ASXL1: variants seen among roughly 807,000 people sequenced by gnomAD.
The protein encoded by ASXL1 is polycomb group protein ASXL1.
In ASXL1, 65 loss-of-function variants were observed where a neutral mutation model predicts 89.1. The ratio of observed to expected loss-of-function variants is 0.73; its 90% CI spans 0.60 to 0.90. The LOEUF is 0.90. ASXL1 is among the 40% of genes least tolerant of loss of function. The probability of loss-of-function intolerance (pLI) is 0.00; values close to 1 mark genes in which losing one functional copy is unlikely to be tolerated. For synonymous variants in ASXL1, 739 were observed against 746.9 expected, an observed-to-expected ratio of 0.99 and a Z score of 0.17; for missense variants, 1,786 against 1,942.9, an observed-to-expected ratio of 0.92 and a Z score of 1.52.
intron 4 of ASXL1, among the ~76,000 whole-genome samples, chr20:32,378,823 C>T (rs2048432947): frequency 6.6e-6 from 1 of 151,678 alleles, no homozygotes; most frequent in East Asian, 1.9e-4. Flanking sequence ...AAAAAAACAC[C>T]CTCAACTAAA....
rs376574539 is a variant in ASXL1 at position 32,373,302 on chromosome 20, G to A, written c.252+4179G>A. On this transcript the variant is annotated intron_variant, in intron 4 of 12. Coordinates refer to ENST00000375687, the MANE Select transcript of ASXL1 (RefSeq NM_015338.6). ...TGAGGCAGGAGAATCACTTTAACCCGGGAGATGGAGGTTGCAGTGAGCTGA... is the reference window on the plus strand; with the variant it reads ...TGAGGCAGGAGAATCACTTTAACCCAGGAGATGGAGGTTGCAGTGAGCTGA... Among the ~76,000 whole-genome samples the A allele has an allele frequency of 5.9e-5, 9 of 151,934 alleles. No individual in the cohort carries two copies. The East Asian group carries it at 7.9e-4, about 13-fold the overall frequency.
intron 1 of ASXL1, chr20:32,359,485 T>TAG: frequency 1.5e-6 from 1 of 667,176 alleles, no homozygotes; most frequent in Non-Finnish European, 2.7e-6. Flanking sequence ...GGGTCTGGGA[T>TAG]AGAGCCTGGG....
In ASXL1 at chr20:32,430,088, A is replaced by G. The variant is rs1569319086; in HGVS notation, c.718+35A>G. On this transcript the variant is annotated intron_variant, in intron 8 of 12. Coordinates refer to ENST00000375687, the MANE Select transcript of ASXL1 (RefSeq NM_015338.6). ...GTGGCACTTATTTCTCTGCCTGTAA[A>G]GGGGGCCCCTGCAGGCCTAGTGAGA... 4 of 1,596,792 alleles carry G rather than the reference A, an allele frequency of 2.5e-6. No individual in the cohort carries two copies. The Admixed American group carries it at 6.8e-5, about 27-fold the overall frequency.
intron 4 of ASXL1, among the ~76,000 whole-genome samples, chr20:32,424,136 A>C (rs1430376939): frequency 6.6e-6 from 1 of 152,156 alleles, no homozygotes; most frequent in Non-Finnish European, 1.5e-5. Context: ...AGCATTTAAC[A>C]CCTAATTTTT....
chr20:32,364,493 C>CA (rs1165612954), intron 1 of ASXL1, among the ~76,000 whole-genome samples: 3 of 152,204 alleles, frequency 2.0e-5, no homozygotes, highest in African/African-American at 7.2e-5. Flanking sequence ...GCTGGGATTA[C>CA]AGGTGTGACC....
At position 32,359,010 on chromosome 20, in the gene ASXL1, T is replaced by A. The variant is rs369551013; in HGVS notation, c.57+178T>A. 1.4e-4 allele frequency: 92 copies of A among 681,406 alleles called. No homozygotes were observed. In the East Asian group the frequency reaches 1.9e-3, roughly 14 times the overall value. The allele number at this position is 681,406 out of a possible 1,614,324, so 42.2% of individuals were successfully genotyped here. ...AGGGGTGGGGAGCGCTCCGCCGGGA[T>A]GGGATGTGGCGCCTTTTTCCGCTCG... On this transcript the variant is annotated intron_variant, in intron 1 of 12. Transcript: ENST00000375687.
Position 32,429,739 on chromosome 20 carries a change from C to T in ASXL1, c.566-162C>T. The stretch of plus-strand genomic sequence containing the variant: ...GCACCTGTAAGGTGATATTTTAAAG[C>T]CAGACCATGAAGTGGTGGTTTCTCT... On this transcript the variant is annotated intron_variant, in intron 7 of 12. Transcript: ENST00000375687. This position sits in a 1 kb window ranked among gnomAD's most constrained non-coding sequence, Gnocchi z 4.9. The T allele has an allele frequency of 1.9e-6, 2 of 1,025,644 alleles. No homozygotes were observed. The highest frequency in any genetic ancestry group is 4.9e-5 in the East Asian group (2 of 41,076). The allele number at this position is 1,025,644 out of a possible 1,614,324, so 63.5% of individuals were successfully genotyped here. A position where few individuals can be genotyped will look rare whatever the true frequency, so the allele number is the denominator to read the frequency against.
intron 3 of ASXL1, among the ~76,000 whole-genome samples, chr20:32,367,934 A>G (rs1044818372): frequency 1.3e-5 from 2 of 152,176 alleles, no homozygotes; most frequent in African/African-American, 4.8e-5. Flanking sequence ...TAGCACACCC[A>G]CTTGATACTC....
chr20:32,435,814 A>G lies in ASXL1; in HGVS notation c.3102A>G (p.Lys1034=). Residue 1034 remains lysine, a synonymous_variant, in exon 13 of 13, where the codon AAA becomes AAG. Transcript: ENST00000375687. ...TKGSSVDKDE[K]PNWNQSAPLS... ...GATCTTCGGTGGACAAGGATGAGAA[A>G]CCCAATTGGAACCAATCTGCCCCAC... 1.2e-6 allele frequency: 2 copies of G among 1,614,150 alleles called. No homozygotes were observed. The highest frequency in any genetic ancestry group is 1.1e-5 in the South Asian group (1 of 91,078).
chr20:32,379,919 T>C (rs2048458055), intron 4 of ASXL1, among the ~76,000 whole-genome samples: 1 of 152,270 alleles, frequency 6.6e-6, no homozygotes, highest in Non-Finnish European at 1.5e-5. Flanking sequence ...CAGGGTCTTT[T>C]TTCAGTTAAG....
Position 32,431,630 on chromosome 20 carries a change from C to T in ASXL1, c.930C>T (p.Asn310=), listed in dbSNP as rs141414870. The T allele has an allele frequency of 7.5e-5, 121 of 1,614,030 alleles. No individual in the cohort carries two copies. The highest frequency in any genetic ancestry group is 2.8e-4 in the African/African-American group (21 of 75,018). The change falls in exon 10 of 13, where the codon AAC becomes AAT. Residue 310 remains asparagine (N), a synonymous_variant. Transcript: ENST00000375687. The part of the protein sequence containing the change: ...LLRLSSSALN[N]EFFTHAAQSW... ...GTCTCAGCAGCAGTGCACTAAATAA[C>T]GAGTTTTTTACCCATGCGGCTCAGA...
At chr20:32,411,068 A>G (rs1600542350) in intron 4 of ASXL1, among the ~76,000 whole-genome samples, 1 of 143,232 alleles carries the variant, frequency 7.0e-6, no homozygotes, top group African/African-American at 2.6e-5. Context: ...AAAAAAAATT[A>G]GTACTCTGAG....
intron 4 of ASXL1, among the ~76,000 whole-genome samples, chr20:32,410,768 C>T (rs1335616908): frequency 6.6e-6 from 1 of 151,980 alleles, no homozygotes; most frequent in African/African-American, 2.4e-5. Context: ...GTAGCTCACA[C>T]CTGTAATCCC....
At chr20:32,434,252 G>A (rs2011641530) in intron 12 of ASXL1, 180 bp from the exon 13 acceptor site, 1 of 838,270 alleles carries the variant, frequency 1.2e-6, no homozygotes, top group Admixed American at 2.3e-5. Flanking sequence ...CCCTTGAGCA[G>A]AATCTTCTCT....
At position 32,381,704 on chromosome 20, in the gene ASXL1, C is replaced by T. The variant is rs7261285; in HGVS notation, c.252+12581C>T. ...TAATTTTTTATATTTTTAGTAGAGA[C>T]GGGGTTTCACCATGTTGGCCAGGAT... is the stretch of plus-strand genomic sequence containing the variant. On this transcript the variant is annotated intron_variant, in intron 4 of 12. Coordinates refer to ENST00000375687, the MANE Select transcript of ASXL1 (RefSeq NM_015338.6). Among the ~76,000 whole-genome samples the T allele has an allele frequency of 9.6e-3, 1,452 of 151,536 alleles. 30 individuals are homozygous for T. Among genetic ancestry groups the T allele is most frequent in the African/African-American group, 0.033 (1,361 of 41,304 alleles).
intron 1 of ASXL1, among the ~76,000 whole-genome samples, chr20:32,363,031 G>C (rs1161768833): frequency 6.6e-6 from 1 of 151,480 alleles, no homozygotes; most frequent in Non-Finnish European, 1.5e-5. Context: ...TGAAGTAAGA[G>C]AAGAGATACT....
chr20:32,438,774 C>T lies in ASXL1; in HGVS notation c.*1436C>T. 1 of 233,616 alleles carries T rather than the reference C, an allele frequency of 4.3e-6. No homozygotes were observed. Among genetic ancestry groups the T allele is most frequent in the East Asian group, 6.0e-5 (1 of 16,586 alleles). 14.5% of individuals were successfully genotyped at this position (233,616 alleles called of 1,614,324 possible). On this transcript the variant is annotated 3_prime_UTR_variant, in exon 13 of 13. Transcript: ENST00000375687. ...TACCTGGGACCATGCTCTCCTGGGA[C>T]TGTGAGGCTCCTTTTGACGTACTTT...
intron 1 of ASXL1, among the ~76,000 whole-genome samples, chr20:32,363,586 C>T (rs1182804930): frequency 2.0e-5 from 3 of 152,224 alleles, no homozygotes; most frequent in African/African-American, 4.8e-5. Context: ...ATAGTTTCTC[C>T]TTTCACTCTC....
chr20:32,359,187 C>T (rs762915267), intron 1 of ASXL1: 14 of 693,068 alleles, frequency 2.0e-5, no homozygotes, highest in Non-Finnish European at 2.9e-5. Context: ...TTCATTCACC[C>T]GGGGGAGTTG....
Sources: gnomAD v4.1 joint callset for allele counts (sites outside exome capture counted in the v4.1 genomes callset) on GRCh38, gnomAD v4.1.1 for gene constraint, Gnocchi (gnomAD v3.1) non-coding constraint, MANE v1.5 for transcripts, NCBI Gene and HGNC (gene_info 2026-07-23, HGNC 2026-07-21) for gene names.